The following FNBP1L variants were observed in gnomAD, a reference collection of about 807,000 sequenced individuals.
FNBP1L encodes formin binding protein 1 like, also known as formin-binding protein 1-like.
FNBP1L carries 36 observed loss-of-function variants against 91.2 expected under a neutral mutation model. The observed-to-expected ratio is 0.39, with a 90% CI of 0.30 to 0.52. The LOEUF is 0.52. Ranked by LOEUF, FNBP1L falls within the 20% of genes least tolerant of loss-of-function variation. The probability of loss-of-function intolerance (pLI) is 0.66; values close to 1 mark genes in which losing one functional copy is unlikely to be tolerated. For missense variants in FNBP1L, 571 were observed against 732.1 expected, an observed-to-expected ratio of 0.78 and a Z score of 2.54; for synonymous variants, 242 against 237.0, an observed-to-expected ratio of 1.02 and a Z score of -0.19.
At chr1:93,449,826 T>C (rs1668425703) in intron 1 of FNBP1L, among the ~76,000 whole-genome samples, 2 of 152,344 alleles carry the variant, frequency 1.3e-5, no homozygotes, top group African/African-American at 2.4e-5. Context: ...CCTTACACTT[T>C]GTGCATTCTA....
chr1:93,465,324 T>C (rs181231079), intron 1 of FNBP1L, among the ~76,000 whole-genome samples: 8 of 152,164 alleles, frequency 5.3e-5, no homozygotes, highest in African/African-American at 1.9e-4. Flanking sequence ...ATATACATTA[T>C]GTATTTCTCC....
At chr1:93,550,527 ACT>A (rs554873148) in intron 15 of FNBP1L, among the ~76,000 whole-genome samples, 151 of 151,678 alleles carry the variant, frequency 1.0e-3, no homozygotes, top group African/African-American at 3.5e-3. Context: ...CTCCCTTCAG[ACT>A]CTCTTTTTTC....
chr1:93,514,289 C>T (rs1670983172), intron 2 of FNBP1L, among the ~76,000 whole-genome samples: 1 of 151,994 alleles, frequency 6.6e-6, no homozygotes, highest in East Asian at 1.9e-4. Flanking sequence ...AATGGAAGAA[C>T]ATTCCATGCT....
chr1:93,547,263 T>C (rs1245539018), intron 13 of FNBP1L, 84 bp from the exon 14 acceptor site: 12 of 1,168,532 alleles, frequency 1.0e-5, no homozygotes, highest in Non-Finnish European at 1.5e-5. Flanking sequence ...TTATAAAAAC[T>C]TAAACACATT....
intron 2 of FNBP1L, among the ~76,000 whole-genome samples, chr1:93,518,050 A>G (rs1671193215): frequency 6.6e-6 from 1 of 152,240 alleles, no homozygotes; most frequent in African/African-American, 2.4e-5. Flanking sequence ...TAATACATGT[A>G]TGACAAATGG....
At chr1:93,529,631 A>G in intron 5 of FNBP1L, 21 bp from the exon 6 acceptor site, 3 of 1,345,598 alleles carry the variant, frequency 2.2e-6, no homozygotes, top group East Asian at 2.6e-5. Context: ...TCTCAGTGTG[A>G]TATTTTAATT....
At chr1:93,547,011 T>A (rs1388138673) in intron 13 of FNBP1L, 37 bp downstream of exon 13, 2 of 1,574,344 alleles carry the variant, frequency 1.3e-6, no homozygotes, top group Non-Finnish European at 1.7e-6. Context: ...AGATAAATTA[T>A]TTTTATAAAC....
At chr1:93,454,046 A>G (rs1668577068) in intron 1 of FNBP1L, among the ~76,000 whole-genome samples, 1 of 152,224 alleles carries the variant, frequency 6.6e-6, no homozygotes, top group Admixed American at 6.5e-5. Context: ...AAGAAGGGTT[A>G]TGCAGGTGGG....
chr1:93,543,918 A>T (rs543001606), intron 11 of FNBP1L, 189 bp from the exon 12 acceptor site: 65 of 355,248 alleles, frequency 1.8e-4, no homozygotes, highest in African/African-American at 1.3e-3. Flanking sequence ...TCTTCAGTAC[A>T]TTGTTTTCAT....
At chr1:93,472,513 AT>A (rs1669322435) in intron 1 of FNBP1L, among the ~76,000 whole-genome samples, 1 of 150,954 alleles carries the variant, frequency 6.6e-6, no homozygotes, top group African/African-American at 2.4e-5. Flanking sequence ...CAGAGAGATT[AT>A]TAAAAAAAAA....
rs549754996 is a variant in FNBP1L, at chr1:93,525,836, T to G, written c.405+1513T>G. ...GACATGTACTCTGGAGGTACAAAAGTAAGTATGACATGGTTCTTGTTTTTG... is the reference window on the plus strand; with the variant it reads ...GACATGTACTCTGGAGGTACAAAAGGAAGTATGACATGGTTCTTGTTTTTG... On this transcript the variant is annotated intron_variant, in intron 5 of 16. Coordinates refer to ENST00000271234, the MANE Select transcript of FNBP1L (RefSeq NM_001164473.3). Among the ~76,000 whole-genome samples the G allele has an allele frequency of 5.3e-5, 8 of 152,280 alleles. No individual in the cohort carries two copies. The South Asian group carries it at 1.7e-3, about 32-fold the overall frequency.
At chr1:93,546,734 CT>C in intron 12 of FNBP1L, 107 bp from the exon 13 acceptor site, 1 of 1,172,456 alleles carries the variant, frequency 8.5e-7, no homozygotes, top group Middle Eastern at 2.4e-4. Flanking sequence ...AAAGATGTGA[CT>C]CTACTTAAGA....
At chr1:93,534,606 A>T (rs967981384) in intron 8 of FNBP1L, 99 bp from the exon 9 acceptor site, 12 of 687,846 alleles carry the variant, frequency 1.7e-5, no homozygotes, top group Non-Finnish European at 2.8e-5. Flanking sequence ...ATTTATTTAA[A>T]CTTATATTTG....
chr1:93,495,999 G>A (rs755554032), intron 1 of FNBP1L, among the ~76,000 whole-genome samples: 7 of 152,098 alleles, frequency 4.6e-5, no homozygotes, highest in African/African-American at 1.2e-4. Flanking sequence ...AAATTGACTC[G>A]TGATTGTGGA....
intron 1 of FNBP1L, among the ~76,000 whole-genome samples, chr1:93,472,917 CTG>C (rs1306768428): frequency 6.8e-6 from 1 of 146,876 alleles, no homozygotes; most frequent in Non-Finnish European, 1.5e-5. Flanking sequence ...GTGCTATTCT[CTG>C]TGGGACTCAT....
intron 5 of FNBP1L, among the ~76,000 whole-genome samples, chr1:93,526,194 T>G (rs1181030517): frequency 6.6e-6 from 1 of 152,080 alleles, no homozygotes; most frequent in Non-Finnish European, 1.5e-5. Context: ...ATTAAGAAGA[T>G]AGAAGCATCA....
intron 2 of FNBP1L, among the ~76,000 whole-genome samples, chr1:93,505,455 C>T (rs1436874796): frequency 1.3e-5 from 2 of 151,870 alleles, no homozygotes; most frequent in Non-Finnish European, 2.9e-5. Flanking sequence ...TAAAAAGAGG[C>T]CAAGGTAGAG....
intron 11 of FNBP1L, among the ~76,000 whole-genome samples, chr1:93,542,094 TAAG>T (rs758682225): frequency 4.6e-5 from 7 of 152,118 alleles, no homozygotes; most frequent in East Asian, 3.8e-4. Context: ...AAATCTAAAT[TAAG>T]AAGTTTATTT....
chr1:93,464,649 A>C (rs1669012625), intron 1 of FNBP1L, among the ~76,000 whole-genome samples: 1 of 152,130 alleles, frequency 6.6e-6, no homozygotes, highest in South Asian at 2.1e-4. Context: ...TTCTTTTCCA[A>C]ACAGTCAATT....
Sources: allele counts gnomAD v4.1 joint callset (sites outside exome capture counted in the v4.1 genomes callset), GRCh38; gene constraint gnomAD v4.1.1; transcripts MANE v1.5; gene names NCBI Gene and HGNC (gene_info 2026-07-23, HGNC 2026-07-21).